The following RSRC1 variants were observed in gnomAD, a reference collection of about 807,000 sequenced individuals.
RSRC1 encodes arginine and serine rich coiled-coil 1, also known as serine/Arginine-related protein 53.
Under a neutral mutation model 49.1 loss-of-function variants are expected in RSRC1, and 39 were observed. The observed-to-expected ratio is 0.79, with a 90% CI of 0.61 to 1.04. The LOEUF is 1.04. Ranked by LOEUF, RSRC1 falls within the 50% of genes least tolerant of loss-of-function variation. RSRC1 has a pLI of 0.00. For synonymous variants in RSRC1, 143 were observed against 130.8 expected (o/e 1.09, Z -0.63); for missense variants, 388 against 402.4 (o/e 0.96, Z 0.31).
At chr3:158,292,023 T>C (rs1197129349) in intron 4 of RSRC1, among the ~76,000 whole-genome samples, 2 of 152,244 alleles carry the variant, frequency 1.3e-5, no homozygotes, top group Middle Eastern at 3.2e-3. Flanking sequence ...TACCATGGCA[T>C]AATTGATACA....
chr3:158,513,939 G>A (rs1333563418), intron 7 of RSRC1, among the ~76,000 whole-genome samples: 1 of 152,162 alleles, frequency 6.6e-6, no homozygotes, highest in African/African-American at 2.4e-5. Context: ...ATGGTAGTTT[G>A]TATTTCTGTG....
intron 6 of RSRC1, among the ~76,000 whole-genome samples, chr3:158,407,710 C>T (rs765956088): frequency 1.3e-3 from 202 of 152,150 alleles, no homozygotes; most frequent in Middle Eastern, 3.4e-3. Context: ...AATAATAGTT[C>T]TTTTTAAAAA....
At chr3:158,225,720 A>C (rs1379086256) in intron 4 of RSRC1, 2 of 452,610 alleles carry the variant, frequency 4.4e-6, no homozygotes, top group Non-Finnish European at 4.4e-6. Context: ...GAAAAGTTTT[A>C]GGAAGACCAA....
intron 4 of RSRC1, among the ~76,000 whole-genome samples, chr3:158,206,179 T>C (rs1241827901): frequency 6.6e-6 from 1 of 152,190 alleles, no homozygotes; most frequent in African/African-American, 2.4e-5. Flanking sequence ...TCTGAGGCTG[T>C]TTTTATACTT....
chr3:158,237,220 C>G (rs552510272), intron 4 of RSRC1, among the ~76,000 whole-genome samples: 3 of 152,052 alleles, frequency 2.0e-5, no homozygotes, highest in African/African-American at 7.2e-5. Context: ...CAAGTCTTTG[C>G]GGAGAGATGT....
chr3:158,270,156 C>T (rs1435642546), intron 4 of RSRC1, among the ~76,000 whole-genome samples: 1 of 147,484 alleles, frequency 6.8e-6, no homozygotes, highest in Non-Finnish European at 1.5e-5. Context: ...ATTCCTCAAA[C>T]ACTCTTCATT....
At chr3:158,195,294 T>G (rs1169349703) in intron 3 of RSRC1, among the ~76,000 whole-genome samples, 3 of 152,108 alleles carry the variant, frequency 2.0e-5, no homozygotes, top group Non-Finnish European at 4.4e-5. Flanking sequence ...CATAAATGTC[T>G]TCTTTTGAGA....
intron 6 of RSRC1, among the ~76,000 whole-genome samples, chr3:158,386,324 T>C (rs1578414193): frequency 6.6e-6 from 1 of 152,136 alleles, no homozygotes; most frequent in Non-Finnish European, 1.5e-5. Context: ...TATGAATTTA[T>C]AACACTTGAA....
chr3:158,486,520 A>G (rs1738825555), intron 7 of RSRC1, among the ~76,000 whole-genome samples: 1 of 152,324 alleles, frequency 6.6e-6, no homozygotes, highest in Admixed American at 6.5e-5. Context: ...AAGCTCCAGT[A>G]AAGAAATGCT....
chr3:158,147,260 A>T (rs1717198985), intron 3 of RSRC1, among the ~76,000 whole-genome samples: 1 of 151,778 alleles, frequency 6.6e-6, no homozygotes, highest in Admixed American at 6.6e-5. Flanking sequence ...TCCATGTGTG[A>T]GACAGCATCT....
intron 7 of RSRC1, among the ~76,000 whole-genome samples, chr3:158,474,347 C>A (rs202024440): frequency 1.3e-5 from 2 of 152,138 alleles, no homozygotes; most frequent in Non-Finnish European, 2.9e-5. Flanking sequence ...AATGTACATA[C>A]CTTAGTTGAA....
At chr3:158,173,292 A>G (rs1718991584) in intron 3 of RSRC1, among the ~76,000 whole-genome samples, 2 of 151,978 alleles carry the variant, frequency 1.3e-5, no homozygotes, top group East Asian at 3.9e-4. Flanking sequence ...TCAATTTTTC[A>G]GTGTCTATTG....
chr3:158,484,038 G>A (rs2108439433), intron 7 of RSRC1, among the ~76,000 whole-genome samples: 1 of 152,192 alleles, frequency 6.6e-6, no homozygotes, highest in South Asian at 2.1e-4. Flanking sequence ...GCAGTGATAA[G>A]CCAAGCAATT....
At chr3:158,256,723 T>C (rs558092283) in intron 4 of RSRC1, among the ~76,000 whole-genome samples, 113 of 152,354 alleles carry the variant, frequency 7.4e-4, no homozygotes, top group African/African-American at 2.7e-3. Flanking sequence ...GTTGGTAGGC[T>C]ATTAATTATT....
At chr3:158,422,851 T>C (rs1048544178) in intron 6 of RSRC1, among the ~76,000 whole-genome samples, 1 of 151,158 alleles carries the variant, frequency 6.6e-6, no homozygotes, top group Non-Finnish European at 1.5e-5. Context: ...TTTTCATGTG[T>C]TTTTTGGCTG....
intron 4 of RSRC1, among the ~76,000 whole-genome samples, chr3:158,275,027 A>G (rs1725730230): frequency 6.6e-6 from 1 of 152,190 alleles, no homozygotes; most frequent in African/African-American, 2.4e-5. Flanking sequence ...ATTGTTACAT[A>G]TTTTAAGATT....
At chr3:158,402,394 A>G (rs1733938025) in intron 6 of RSRC1, among the ~76,000 whole-genome samples, 1 of 151,832 alleles carries the variant, frequency 6.6e-6, no homozygotes, top group Non-Finnish European at 1.5e-5. Context: ...TGAAGAGAGG[A>G]AGTATAGGCA....
intron 4 of RSRC1, among the ~76,000 whole-genome samples, chr3:158,294,586 G>A (rs1002547452): frequency 6.6e-6 from 1 of 151,784 alleles, no homozygotes; most frequent in African/African-American, 2.4e-5. Flanking sequence ...TAAAAGGAGG[G>A]GTAAAAACCT....
intron 3 of RSRC1, among the ~76,000 whole-genome samples, chr3:158,194,553 T>G (rs1302183662): frequency 2.0e-5 from 3 of 151,394 alleles, no homozygotes; most frequent in Non-Finnish European, 4.4e-5. Flanking sequence ...ACGTGCAGGT[T>G]TGTTACATAT....
Sources: allele counts gnomAD v4.1 joint callset (sites outside exome capture counted in the v4.1 genomes callset), GRCh38; gene constraint gnomAD v4.1.1; transcripts MANE v1.5; gene names NCBI Gene and HGNC (gene_info 2026-07-23, HGNC 2026-07-21).